The following KDM5B variants were observed in gnomAD, a reference collection of about 807,000 sequenced individuals.
KDM5B encodes the protein lysine-specific demethylase 5B.
A neutral mutation model predicts 193.4 loss-of-function variants in KDM5B; 144 were observed. The observed-to-expected ratio is 0.74, with a 90% CI of 0.65 to 0.86. The LOEUF (loss-of-function observed/expected upper bound fraction) is 0.86. Among genes scored for constraint, KDM5B ranks in the 40% least tolerant of loss-of-function variants. The pLI, the probability that KDM5B is intolerant of heterozygous loss-of-function variation, is 0.00. For synonymous variants in KDM5B, 668 were observed against 682.6 expected (o/e 0.98, Z 0.33); for missense variants, 1,833 against 1,886.9 (o/e 0.97, Z 0.53).
Position 202,742,751 on chromosome 1 carries a change from T to A in KDM5B, c.2378A>T (p.Asp793Val), listed in dbSNP as rs1472158579. 6.2e-7 allele frequency: 1 copy of A among 1,614,204 alleles called. No individual in the cohort carries two copies. The highest frequency in any genetic ancestry group is 1.3e-5 in the African/African-American group (1 of 75,068). ...GCGAAGGTGTCGCAAAAGATCATTG[T>A]CTGGGAATTTCTTCATTTCAGATTC... ...IEESEMKKFP[D>V]NDLLRHLRLV... The change falls in exon 17 of 27, where the codon GAC becomes GTC. Residue 793 changes from aspartate (D) to valine (V), a missense_variant. Asp to Val is a radical substitution (Grantham distance 152, BLOSUM62 -3). Coordinates refer to ENST00000367265, the MANE Select transcript of KDM5B (RefSeq NM_006618.5).
rs115100200 is a variant in KDM5B, at chr1:202,730,487, G to A, written c.4176+422C>T. On this transcript the variant is annotated intron_variant, in intron 25 of 26. Transcript: ENST00000367265. ...CCCCCACACCTTATAGGTGTAAGGCGCATTAACTGAACACATTCAATGATT... is the reference window on the plus strand; with the variant it reads ...CCCCCACACCTTATAGGTGTAAGGCACATTAACTGAACACATTCAATGATT... Among the ~76,000 whole-genome samples, 1,008 of 152,250 alleles carry A rather than the reference G, an allele frequency of 6.6e-3. 14 individuals carry two copies. The highest frequency in any genetic ancestry group is 0.024 in the African/African-American group (977 of 41,534).
intron 1 of KDM5B, among the ~76,000 whole-genome samples, chr1:202,779,104 T>A (rs1657088202): frequency 6.6e-6 from 1 of 152,208 alleles, no homozygotes; most frequent in Admixed American, 6.5e-5. Flanking sequence ...TTGTTTTAAA[T>A]ATAATCCAAA....
intron 1 of KDM5B, among the ~76,000 whole-genome samples, chr1:202,787,494 T>C (rs775387501): frequency 1.2e-4 from 18 of 152,316 alleles, no homozygotes; most frequent in South Asian, 8.3e-4. Context: ...CTGTAATGCA[T>C]TGTATTATTT....
Position 202,808,157 on chromosome 1 carries a change from T to A in KDM5B, c.149A>T (p.His50Leu), listed in dbSNP as rs1000240745. The change falls in exon 1 of 27, where the codon CAC (histidine) becomes CTC (leucine). Residue 50 changes from histidine to leucine, a missense_variant. By Grantham distance (99) the His-to-Leu change is moderately conservative (BLOSUM62 -3). This residue lies in a region of KDM5B where 355 missense variants were observed against 374.9 expected (regional missense o/e 0.95). Coordinates refer to ENST00000367265, the MANE Select transcript of KDM5B (RefSeq NM_006618.5). ...EEFADPFAFI[H>L]KIRPIAEQTG... ...CTGCTCGGCTATGGGCCGGATCTTG[T>A]GGATGAAAGCGAAGGGGTCCGCGAA... 7 of 1,613,114 alleles carry A rather than the reference T, an allele frequency of 4.3e-6. No homozygotes were observed. Among genetic ancestry groups the A allele is most frequent in the Non-Finnish European group, 5.9e-6 (7 of 1,179,538 alleles).
rs531153482 is a variant in KDM5B, at chr1:202,747,180, C to A, written c.2017-857G>T. Among the ~76,000 whole-genome samples the A allele has an allele frequency of 2.0e-5, 3 of 152,090 alleles. No homozygotes were observed. In the East Asian group the frequency reaches 5.8e-4, roughly 29 times the overall value. On this transcript the variant is annotated intron_variant, in intron 14 of 26. Coordinates refer to ENST00000367265, the MANE Select transcript of KDM5B (RefSeq NM_006618.5). ...CATATCTGCCAATTATATGGGCCAACAAAGATGAGGAAGGTAAGGAAAATG... is the reference window on the plus strand; with the variant it reads ...CATATCTGCCAATTATATGGGCCAAAAAAGATGAGGAAGGTAAGGAAAATG...
At chr1:202,736,525 C>T (rs757383452) in intron 20 of KDM5B, 133 bp from the exon 21 acceptor site, 86 of 519,092 alleles carry the variant, frequency 1.7e-4, no homozygotes, top group Non-Finnish European at 2.3e-4. Context: ...AATTCACAAA[C>T]GCTGACTAAC....
In KDM5B at chr1:202,736,329, G is replaced by A. The variant is rs1286106677; in HGVS notation, c.3148C>T (p.Pro1050Ser). The change falls in exon 21 of 27, where the codon CCC becomes TCC. Residue 1050 changes from proline (P) to serine (S), a missense_variant. Around this residue, in one of 3 missense-constraint regions of KDM5B, gnomAD observed 1,379 missense variants for 1,349.6 expected, o/e 1.02. Transcript: ENST00000367265. ...CTTGGCAAAGAATTCAGATGTACGG[G>A]GATAGATCGGCCTCGTGTAACAAGT... The part of the protein sequence containing the change: ...IELVTRGRSI[P>S]VHLNSLPRLE... 2 of 1,612,018 alleles carry A rather than the reference G, an allele frequency of 1.2e-6. No individual in the cohort carries two copies. The highest frequency in any genetic ancestry group is 1.7e-5 in the Admixed American group (1 of 59,734).
intron 5 of KDM5B, among the ~76,000 whole-genome samples, chr1:202,766,046 T>C (rs1433987571): frequency 6.6e-6 from 1 of 152,208 alleles, no homozygotes; most frequent in African/African-American, 2.4e-5. Flanking sequence ...CTTGTCTTTA[T>C]TAAAAATTTT....
At chr1:202,736,173 G>A in intron 21 of KDM5B, 40 bp downstream of exon 21, 1 of 1,394,772 alleles carries the variant, frequency 7.2e-7, no homozygotes, top group South Asian at 1.6e-5. Context: ...ACCAAACTAG[G>A]AGATCTAAGG....
intron 20 of KDM5B, among the ~76,000 whole-genome samples, chr1:202,738,269 C>A (rs1274552481): frequency 6.6e-6 from 1 of 152,084 alleles, no homozygotes; most frequent in Non-Finnish European, 1.5e-5. Flanking sequence ...AGAAGCATGC[C>A]CTTGCTTTCT....
chr1:202,742,592 T>A, intron 17 of KDM5B, 63 bp downstream of exon 17: 1 of 1,605,938 alleles, frequency 6.2e-7, no homozygotes, highest in Non-Finnish European at 8.5e-7. Flanking sequence ...AAGACAGGAG[T>A]CACAACAGGT....
At chr1:202,784,859 C>A (rs1400161783) in intron 1 of KDM5B, among the ~76,000 whole-genome samples, 1 of 152,058 alleles carries the variant, frequency 6.6e-6, no homozygotes, top group Non-Finnish European at 1.5e-5. Context: ...TGTGGCAAAA[C>A]CAAGTCTCTA....
At chr1:202,776,589 C>T (rs1656964048) in intron 2 of KDM5B, among the ~76,000 whole-genome samples, 1 of 152,060 alleles carries the variant, frequency 6.6e-6, no homozygotes, top group Non-Finnish European at 1.5e-5. Flanking sequence ...GGGTCTTGCT[C>T]TGTCGCCCAG....
At chr1:202,746,645 G>C in intron 14 of KDM5B, 1 of 197,566 alleles carries the variant, frequency 5.1e-6, no homozygotes, top group Non-Finnish European at 1.0e-5. Flanking sequence ...TCCACATTTT[G>C]GGTATAGATA....
chr1:202,795,708 T>C (rs1417421917), intron 1 of KDM5B, among the ~76,000 whole-genome samples: 1 of 151,184 alleles, frequency 6.6e-6, no homozygotes, highest in Non-Finnish European at 1.5e-5. Flanking sequence ...GGCAATGTTA[T>C]GAGGTCCAAT....
rs1654615793 is a variant in KDM5B at position 202,724,657 on chromosome 1, A to G, written c.*4379T>C. The G allele has an allele frequency of 6.6e-6, 1 of 152,196 alleles. No individual in the cohort carries two copies. The highest frequency in any genetic ancestry group is 6.5e-5 in the Admixed American group (1 of 15,282). The allele number at this position is 152,196 out of a possible 1,614,324, so 9.4% of individuals were successfully genotyped here. A position where few individuals can be genotyped will look rare whatever the true frequency, so the allele number is the denominator to read the frequency against. On this transcript the variant is annotated 3_prime_UTR_variant, in exon 27 of 27. Coordinates refer to ENST00000367265, the MANE Select transcript of KDM5B (RefSeq NM_006618.5). ...TATACATATTTATGATTTAGGTTAA[A>G]TATATCTTTCTCATCCAATAATTTA...
chr1:202,788,914 A>G (rs1401622273), intron 1 of KDM5B, among the ~76,000 whole-genome samples: 1 of 152,182 alleles, frequency 6.6e-6, no homozygotes. Context: ...ATACTTTAAA[A>G]AGATTCCAAA....
chr1:202,796,852 C>T (rs1251526244), intron 1 of KDM5B: 1 of 152,784 alleles, frequency 6.5e-6, no homozygotes, highest in Non-Finnish European at 1.5e-5. Flanking sequence ...TAACCTTTGT[C>T]GTGATGAAGA....
chr1:202,766,584 C>T (rs1206985437), intron 5 of KDM5B: 2 of 424,914 alleles, frequency 4.7e-6, no homozygotes, highest in African/African-American at 4.2e-5. Context: ...TCCTAATCTT[C>T]ATGTTTTCTA....
Sources: gnomAD v4.1 joint callset for allele counts (sites outside exome capture counted in the v4.1 genomes callset) on GRCh38, gnomAD v4.1.1 for gene constraint, gnomAD v4.1.1 regional missense constraint, MANE v1.5 for transcripts, NCBI Gene and HGNC (gene_info 2026-07-23, HGNC 2026-07-21) for gene names.